The following DROSHA variants were observed in gnomAD, a reference collection of about 807,000 sequenced individuals.
DROSHA encodes the protein drosha ribonuclease III.
In DROSHA, 56 loss-of-function variants were observed where a neutral mutation model predicts 181.9. That is an observed-to-expected ratio of 0.31 (90% CI 0.25 to 0.38). The LOEUF (loss-of-function observed/expected upper bound fraction) is 0.38. Ranked by LOEUF, DROSHA falls within the 10% of genes least tolerant of loss-of-function variation. DROSHA has a pLI of 1.00. For synonymous variants in DROSHA, 524 were observed against 591.2 expected, an observed-to-expected ratio of 0.89 and a Z score of 1.65; for missense variants, 1,218 against 1,743.5, an observed-to-expected ratio of 0.70 and a Z score of 5.37.
At chr5:31,505,696 T>A (rs1580330307) in intron 10 of DROSHA, 1 of 152,116 alleles carries the variant, frequency 6.6e-6, no homozygotes, top group Non-Finnish European at 1.5e-5. Flanking sequence ...CTGGTCAGAG[T>A]GTAATGGATT....
intron 25 of DROSHA, among the ~76,000 whole-genome samples, chr5:31,435,077 C>T (rs535851778): frequency 6.1e-5 from 9 of 148,632 alleles, no homozygotes; most frequent in Non-Finnish European, 3.0e-5. Flanking sequence ...GAGAAGAGAA[C>T]AACAATTTGT....
chr5:31,406,347 C>G lies in DROSHA; in HGVS notation c.3947+506G>C, dbSNP rs539489907. ...CCAACATGGTAAAACCCTGTCTCTA[C>G]TAAAAACACAAAAATTAGCAGGCAT... On this transcript the variant is annotated intron_variant, in intron 34 of 35. Transcript: ENST00000344624. Among the ~76,000 whole-genome samples, 14 of 152,102 alleles carry G rather than the reference C, an allele frequency of 9.2e-5. No homozygotes were observed. In the East Asian group the frequency reaches 2.7e-3, roughly 30 times the overall value.
At chr5:31,445,286 G>T (rs1746113143) in intron 23 of DROSHA, among the ~76,000 whole-genome samples, 1 of 152,150 alleles carries the variant, frequency 6.6e-6, no homozygotes, top group Non-Finnish European at 1.5e-5. Flanking sequence ...CCATTCAGTT[G>T]TCAAACTGTG....
chr5:31,424,372 T>C, intron 28 of DROSHA, 55 bp downstream of exon 28: 1 of 1,558,600 alleles, frequency 6.4e-7, no homozygotes, highest in South Asian at 1.2e-5. Flanking sequence ...CAAAGGAAAG[T>C]AACATGAATA....
chr5:31,451,498 G>T, intron 21 of DROSHA, 35 bp downstream of exon 21: 1 of 1,536,610 alleles, frequency 6.5e-7, no homozygotes, highest in Non-Finnish European at 8.9e-7. Flanking sequence ...CTCCTATCTT[G>T]TTATTATGTG....
At chr5:31,414,778 A>G (rs1741748934) in intron 30 of DROSHA, among the ~76,000 whole-genome samples, 1 of 152,226 alleles carries the variant, frequency 6.6e-6, no homozygotes, top group South Asian at 2.1e-4. Flanking sequence ...ATTTGTTTTC[A>G]ATGTAAAATG....
intron 10 of DROSHA, among the ~76,000 whole-genome samples, chr5:31,508,252 T>C (rs1159412938): frequency 1.3e-5 from 2 of 152,194 alleles, no homozygotes; most frequent in African/African-American, 4.8e-5. Context: ...AAAGAAATCT[T>C]ATAGGACTTA....
At chr5:31,519,892 A>G (rs751740289) in intron 6 of DROSHA, among the ~76,000 whole-genome samples, 12 of 152,210 alleles carry the variant, frequency 7.9e-5, no homozygotes, top group Non-Finnish European at 1.6e-4. Context: ...CTGTTATTTT[A>G]ACAAACTACT....
chr5:31,422,724 A>G (rs1742916792), intron 29 of DROSHA, 63 bp downstream of exon 29: 1 of 1,585,770 alleles, frequency 6.3e-7, no homozygotes, highest in Non-Finnish European at 8.6e-7. Flanking sequence ...GGCATGCTCC[A>G]AAGGTCTGGG....
At chr5:31,479,427 T>A (rs1282436267) in intron 16 of DROSHA, among the ~76,000 whole-genome samples, 1 of 152,172 alleles carries the variant, frequency 6.6e-6, no homozygotes, top group Non-Finnish European at 1.5e-5. Flanking sequence ...GATACCCACG[T>A]TGAAAATACT....
intron 27 of DROSHA, among the ~76,000 whole-genome samples, chr5:31,428,480 T>C (rs1743748891): frequency 6.6e-6 from 1 of 152,182 alleles, no homozygotes; most frequent in Non-Finnish European, 1.5e-5. Context: ...TGTTTATATG[T>C]GCAGGACAAA....
chr5:31,429,792 C>A (rs987392468), intron 26 of DROSHA, among the ~76,000 whole-genome samples: 6 of 151,950 alleles, frequency 3.9e-5, no homozygotes, highest in African/African-American at 9.7e-5. Context: ...GTAAAAGAGG[C>A]CAAATATCAA....
At chr5:31,418,146 C>T (rs1212482982) in intron 30 of DROSHA, among the ~76,000 whole-genome samples, 8 of 152,090 alleles carry the variant, frequency 5.3e-5, no homozygotes, top group African/African-American at 1.4e-4. Context: ...GATTCCTATC[C>T]TTTGCAATTT....
chr5:31,433,072 A>G (rs1040432920), intron 25 of DROSHA, among the ~76,000 whole-genome samples: 1 of 152,222 alleles, frequency 6.6e-6, no homozygotes, highest in African/African-American at 2.4e-5. Context: ...TCACAAGTCA[A>G]TGAACAGCCT....
intron 12 of DROSHA, 148 bp downstream of exon 12, chr5:31,495,138 C>T (rs1413650454): frequency 3.6e-6 from 3 of 829,072 alleles, no homozygotes; most frequent in Admixed American, 5.0e-5. Flanking sequence ...AAAGAAACGT[C>T]ATCGTGAGAA....
intron 20 of DROSHA, among the ~76,000 whole-genome samples, chr5:31,455,474 G>A (rs1747545536): frequency 6.6e-6 from 1 of 152,060 alleles, no homozygotes; most frequent in Non-Finnish European, 1.5e-5. Context: ...CAACTTGAAA[G>A]TATATACTGA....
chr5:31,484,474 T>C (rs946314935), intron 15 of DROSHA, among the ~76,000 whole-genome samples: 2 of 109,608 alleles, frequency 1.8e-5, no homozygotes, highest in African/African-American at 6.9e-5. Context: ...TTTGAATCTA[T>C]CTAGTTCACT....
intron 15 of DROSHA, among the ~76,000 whole-genome samples, chr5:31,484,367 C>A (rs1392494393): frequency 1.8e-5 from 2 of 113,336 alleles, no homozygotes; most frequent in Non-Finnish European, 1.6e-5. Flanking sequence ...GGCGACAGAG[C>A]GAGACTCCGT....
intron 6 of DROSHA, among the ~76,000 whole-genome samples, chr5:31,519,780 C>A (rs1319861401): frequency 2.0e-5 from 3 of 152,060 alleles, no homozygotes; most frequent in South Asian, 4.1e-4. Flanking sequence ...GTTTAAATAC[C>A]TAAAAGGTAA....
Sources: gnomAD v4.1 joint callset for allele counts (sites outside exome capture counted in the v4.1 genomes callset) on GRCh38, gnomAD v4.1.1 for gene constraint, MANE v1.5 for transcripts, NCBI Gene and HGNC (gene_info 2026-07-23, HGNC 2026-07-21) for gene names.